The following IL23R variants were observed in gnomAD, a reference collection of about 807,000 sequenced individuals.
The protein encoded by IL23R is interleukin 23 receptor.
A neutral mutation model predicts 56.9 loss-of-function variants in IL23R; 34 were observed. The observed-to-expected ratio is 0.60, with a 90% confidence interval of 0.45 to 0.80. The LOEUF (loss-of-function observed/expected upper bound fraction) is 0.80, where lower values mean the gene tolerates loss of function less well. Among genes scored for constraint, IL23R ranks in the 30% least tolerant of loss-of-function variants. The pLI, the probability that IL23R is intolerant of heterozygous loss-of-function variation, is 0.00. For synonymous variants in IL23R, 230 were observed against 249.2 expected (o/e 0.92, Z 0.73); for missense variants, 635 against 730.0 (o/e 0.87, Z 1.50).
chr1:67,249,296 T>C (rs1433977700), intron 9 of IL23R, among the ~76,000 whole-genome samples: 1 of 152,224 alleles, frequency 6.6e-6, no homozygotes, highest in Non-Finnish European at 1.5e-5. Flanking sequence ...TTTAAAGTTA[T>C]TAGAAACCTG....
chr1:67,158,234 A>G (rs116381473), intron 1 of IL23R, among the ~76,000 whole-genome samples: 2,891 of 152,042 alleles, frequency 0.019, 86 homozygotes, highest in African/African-American at 0.066. Context: ...AAAAAGAAAT[A>G]TTTTTTGAAT....
rs529836424 is a variant in IL23R at position 67,249,145 on chromosome 1, C to T, written c.1149-6692C>T. 4.1e-4 allele frequency among the ~76,000 whole-genome samples: 63 copies of T among 152,338 alleles called. 1 individual carries two copies. Among genetic ancestry groups the T allele is most frequent in the Admixed American group, 7.2e-4 (11 of 15,306 alleles). On this transcript the variant is annotated intron_variant, in intron 9 of 10. Coordinates refer to ENST00000347310, the MANE Select transcript of IL23R (RefSeq NM_144701.3). ...AGCTCTCCAGCATGCTGATTTTTCACGCTGATTTAGCATGAAAATCTGGCA... is the reference window on the plus strand; with the variant it reads ...AGCTCTCCAGCATGCTGATTTTTCATGCTGATTTAGCATGAAAATCTGGCA...
intron 7 of IL23R, among the ~76,000 whole-genome samples, chr1:67,228,084 TTCTTTCTTTCTTTCTTTCTTTCTCTC>T (rs1650821869): frequency 1.3e-4 from 4 of 30,558 alleles, no homozygotes; most frequent in African/African-American, 2.9e-4. Context: ...TTTCTTTCTT[TTCTTTCTTTCTTTCTTTCTTTCTCTC>T]TCTTTCTTTC....
chr1:67,193,205 C>T (rs1258661935), intron 4 of IL23R, among the ~76,000 whole-genome samples: 1 of 152,156 alleles, frequency 6.6e-6, no homozygotes, highest in African/African-American at 2.4e-5. Context: ...TCAGATAAGA[C>T]TTTCCTCATC....
intron 7 of IL23R, among the ~76,000 whole-genome samples, chr1:67,228,065 GTCTC>G (rs1650815664): frequency 2.4e-5 from 2 of 84,760 alleles, no homozygotes; most frequent in African/African-American, 6.2e-5. Flanking sequence ...TTCTTTCTCT[GTCTC>G]TCTCTTTCTT....
intron 7 of IL23R, among the ~76,000 whole-genome samples, chr1:67,229,091 A>G (rs1250625830): frequency 6.6e-6 from 1 of 152,176 alleles, no homozygotes; most frequent in African/African-American, 2.4e-5. Context: ...CCTCCAAGTC[A>G]ATTCATTCTG....
chr1:67,139,650 C>T (rs1646616638), intron 1 of IL23R, among the ~76,000 whole-genome samples: 2 of 152,190 alleles, frequency 1.3e-5, no homozygotes, highest in South Asian at 4.1e-4. Flanking sequence ...TTTGTCCCCT[C>T]CGAAAGTCAT....
chr1:67,239,284 GAC>G (rs1651701666), intron 8 of IL23R, among the ~76,000 whole-genome samples: 1 of 152,202 alleles, frequency 6.6e-6, no homozygotes, highest in Non-Finnish European at 1.5e-5. Context: ...TTGTTTTTGA[GAC>G]ACAGTCTGGC....
upstream of IL23R, among the ~76,000 whole-genome samples, chr1:67,165,928 C>T (rs184720518): frequency 2.6e-4 from 40 of 152,232 alleles, no homozygotes; most frequent in African/African-American, 9.6e-4. Flanking sequence ...CTGAATTATA[C>T]AGCATACTTG....
chr1:67,147,276 C>G (rs915540666), intron 1 of IL23R, among the ~76,000 whole-genome samples: 2 of 152,184 alleles, frequency 1.3e-5, no homozygotes, highest in African/African-American at 4.8e-5. Context: ...TCTGTCAGTT[C>G]CATAACAGGC....
intron 1 of IL23R, among the ~76,000 whole-genome samples, chr1:67,151,747 G>A (rs905928403): frequency 6.6e-6 from 1 of 152,178 alleles, no homozygotes; most frequent in Non-Finnish European, 1.5e-5. Flanking sequence ...GTTTGTCGAA[G>A]ATCAGATGGT....
chr1:67,215,347 G>A (rs896344662), intron 6 of IL23R, among the ~76,000 whole-genome samples: 1 of 152,194 alleles, frequency 6.6e-6, no homozygotes, highest in East Asian at 1.9e-4. Flanking sequence ...GCATGTGTTT[G>A]CAGCTCAGCT....
chr1:67,142,659 G>A (rs1477147851), intron 1 of IL23R, among the ~76,000 whole-genome samples: 1 of 152,140 alleles, frequency 6.6e-6, no homozygotes, highest in Non-Finnish European at 1.5e-5. Flanking sequence ...TTCACCTCCT[G>A]GGTTCAAGCG....
At chr1:67,181,852 G>A (rs1441931401) in intron 3 of IL23R, among the ~76,000 whole-genome samples, 1 of 152,238 alleles carries the variant, frequency 6.6e-6, no homozygotes, top group East Asian at 1.9e-4. Flanking sequence ...CCTTCTAACA[G>A]TCAGGAACCT....
downstream of IL23R, among the ~76,000 whole-genome samples, chr1:67,262,095 C>T (rs4655531): frequency 0.12 from 18,030 of 152,172 alleles, 1,598 homozygotes; most frequent in Admixed American, 0.27. Flanking sequence ...GCAAACTTCG[C>T]GGGGGAGAAA....
chr1:67,150,712 G>C (rs1203007258), intron 1 of IL23R, among the ~76,000 whole-genome samples: 2 of 150,306 alleles, frequency 1.3e-5, no homozygotes, highest in South Asian at 2.1e-4. Context: ...TGTTGAATCA[G>C]TTGGGTCATA....
chr1:67,233,173 A>C (rs1483171853), intron 7 of IL23R, among the ~76,000 whole-genome samples: 1 of 135,880 alleles, frequency 7.4e-6, no homozygotes, highest in Non-Finnish European at 1.5e-5. Flanking sequence ...ATATGGTGAA[A>C]TCCTGTCTCT....
At chr1:67,203,166 T>C (rs1044174455) in intron 5 of IL23R, among the ~76,000 whole-genome samples, 2 of 152,228 alleles carry the variant, frequency 1.3e-5, no homozygotes, top group African/African-American at 2.4e-5. Context: ...ATTGCATCAA[T>C]TTATTTAGCA....
chr1:67,184,017 C>T (rs12095335), intron 4 of IL23R, among the ~76,000 whole-genome samples: 44,464 of 150,708 alleles, frequency 0.3, 6,922 homozygotes, highest in Admixed American at 0.43. Context: ...GTGGATCACC[C>T]GAGGTCAGGA....
Sources: allele counts gnomAD v4.1 joint callset (sites outside exome capture counted in the v4.1 genomes callset), GRCh38; gene constraint gnomAD v4.1.1; transcripts MANE v1.5; gene names NCBI Gene and HGNC (gene_info 2026-07-23, HGNC 2026-07-21).